NBEAL1: variants seen among roughly 807,000 people sequenced by gnomAD.
The protein encoded by NBEAL1 is neurobeachin like 1.
Under a neutral mutation model 351.3 loss-of-function variants are expected in NBEAL1, and 273 were observed. The ratio of observed to expected loss-of-function variants is 0.78; its 90% CI spans 0.70 to 0.86. NBEAL1 has a LOEUF of 0.86. NBEAL1 is among the 40% of genes least tolerant of loss of function. The probability of loss-of-function intolerance (pLI) is 0.00; values close to 1 mark genes in which losing one functional copy is unlikely to be tolerated. For missense variants in NBEAL1, 2,961 were observed against 3,201.3 expected (o/e 0.92, Z 1.81); for synonymous variants, 1,050 against 1,086.4 (o/e 0.97, Z 0.66).
chr2:203,171,822 C>T (rs1474411157), intron 39 of NBEAL1, 106 bp from the exon 40 acceptor site: 7 of 381,888 alleles, frequency 1.8e-5, no homozygotes, highest in Admixed American at 1.3e-4. Context: ...CCTGTTGTAC[C>T]TTTTTTTTTT....
intron 40 of NBEAL1, 85 bp from the exon 41 acceptor site, chr2:203,172,644 C>G (rs911385920): frequency 3.0e-5 from 36 of 1,214,098 alleles, no homozygotes; most frequent in Non-Finnish European, 3.8e-5. Context: ...CCCTTTTTGT[C>G]TTTAGATAAC....
In NBEAL1 at chr2:203,166,259, A is replaced by ACATTTAC; in HGVS notation, c.5826_5832dup (p.Phe1945HisfsTer5). 2 of 1,611,084 alleles carry ACATTTAC rather than the reference A, an allele frequency of 1.2e-6. No homozygotes were observed. The highest frequency in any genetic ancestry group is 1.7e-6 in the Non-Finnish European group (2 of 1,179,230). On this transcript the variant is annotated frameshift_variant, in exon 37 of 56. Transcript: ENST00000683969. LOFTEE classifies it high-confidence loss of function. The stretch of plus-strand genomic sequence containing the variant: ...GGCAGATTAGAAATCACTACTCAAC[A>ACATTTAC]CATTTACTTCTATGATGGCAGCATT...
chr2:203,028,337 T>C (rs1258886537), intron 2 of NBEAL1, among the ~76,000 whole-genome samples: 2 of 152,044 alleles, frequency 1.3e-5, no homozygotes, highest in Non-Finnish European at 1.5e-5. Context: ...ATTGGATTTA[T>C]GTTCTAAGAA....
chr2:203,099,826 C>T, intron 12 of NBEAL1, 114 bp downstream of exon 12: 1 of 681,428 alleles, frequency 1.5e-6, no homozygotes, highest in South Asian at 2.1e-5. Context: ...ATTTGGTGTA[C>T]AGATTATTTT....
intron 37 of NBEAL1, 108 bp from the exon 38 acceptor site, chr2:203,167,119 T>C: frequency 9.8e-7 from 1 of 1,024,356 alleles, no homozygotes; most frequent in Non-Finnish European, 1.4e-6. Context: ...AGTACAGAAA[T>C]TGAATTCCTT....
At chr2:203,123,451 G>A (rs1343965539) in intron 19 of NBEAL1, among the ~76,000 whole-genome samples, 2 of 151,072 alleles carry the variant, frequency 1.3e-5, no homozygotes, top group Middle Eastern at 3.2e-3. Context: ...TCCTGCCTCA[G>A]CCTTCCAAGT....
In NBEAL1 at chr2:203,209,322, G is replaced by A; in HGVS notation, c.7785G>A (p.Lys2595=). ...YSSTEEKTTL[K]DKNALHLFSI... ...GCACTGAAGAAAAGACCACCCTCAA[G>A]GTATATGACCTTTCATGCAATAGAG... Residue 2595 remains lysine (K), a splice_region_variant and synonymous_variant, in exon 53 of 56, where the codon AAG becomes AAA. Transcript: ENST00000683969. 1 of 1,611,848 alleles carries A rather than the reference G, an allele frequency of 6.2e-7. No individual in the cohort carries two copies. The highest frequency in any genetic ancestry group is 8.5e-7 in the Non-Finnish European group (1 of 1,178,332).
chr2:203,151,197 G>A (rs893648331), intron 34 of NBEAL1, among the ~76,000 whole-genome samples: 17 of 152,088 alleles, frequency 1.1e-4, no homozygotes, highest in Non-Finnish European at 1.6e-4. Context: ...TGGGCGTAGG[G>A]GCACATGCCT....
chr2:203,157,059 C>T (rs2063815415), intron 35 of NBEAL1, among the ~76,000 whole-genome samples: 1 of 152,090 alleles, frequency 6.6e-6, no homozygotes, highest in Admixed American at 6.6e-5. Context: ...AACATAAATT[C>T]AGAAGGGTCA....
intron 12 of NBEAL1, among the ~76,000 whole-genome samples, chr2:203,103,496 T>C (rs952784152): frequency 1.3e-5 from 2 of 152,202 alleles, no homozygotes; most frequent in Non-Finnish European, 2.9e-5. Flanking sequence ...GGTCTTGAAC[T>C]CCTGATCTCA....
chr2:203,041,845 G>T lies in NBEAL1; in HGVS notation c.132G>T (p.Lys44Asn). 1 of 1,552,424 alleles carries T rather than the reference G, an allele frequency of 6.4e-7. No individual in the cohort carries two copies. Among genetic ancestry groups the T allele is most frequent in the Non-Finnish European group, 8.7e-7 (1 of 1,146,752 alleles). The change falls in exon 3 of 56, where the codon AAG (lysine) becomes AAT (asparagine). Residue 44 changes from lysine to asparagine, a missense_variant. By Grantham distance (94) the Lys-to-Asn change is moderately conservative (BLOSUM62 0). Coordinates refer to ENST00000683969, the MANE Select transcript of NBEAL1 (RefSeq NM_001378026.1). ...AATTTTTAGACGTTGACTTTGAAAA[G>T]CTGCCTACCAGGTATGTAGAAACGC... Reference protein sequence around the residue: ...YEQFLDVDFEKLPTRVDDMPP... With the variant: ...YEQFLDVDFENLPTRVDDMPP...
Position 203,138,627 on chromosome 2 carries a change from A to T in NBEAL1, c.4727A>T (p.Glu1576Val), listed in dbSNP as rs2063283143. The T allele has an allele frequency of 1.3e-6, 2 of 1,590,146 alleles. No homozygotes were observed. The highest frequency in any genetic ancestry group is 2.7e-5 in the African/African-American group (2 of 73,446). ...TTTTTTCCTTTGTGATAGCTTTTAG[A>T]GGATATGATGCTGCTCTTTGACTGT... ...NSNMWTEKLLEDMMLLFDCLS... is the reference protein window; with the variant it reads ...NSNMWTEKLLVDMMLLFDCLS... Residue 1576 changes from glutamate (E) to valine (V), a missense_variant, in exon 31 of 56, where the codon GAG (glutamate) becomes GTG (valine). Physicochemically the swap from Glu to Val is moderately radical, Grantham distance 121. Transcript: ENST00000683969.
intron 53 of NBEAL1, among the ~76,000 whole-genome samples, chr2:203,209,618 C>T (rs1295526085): frequency 6.6e-6 from 1 of 151,928 alleles, no homozygotes; most frequent in African/African-American, 2.4e-5. Context: ...TGATAGCCAA[C>T]TGAAATTCCT....
chr2:203,016,586 T>G (rs1246994434), intron 2 of NBEAL1, among the ~76,000 whole-genome samples, 151 bp downstream of exon 2: 1 of 152,158 alleles, frequency 6.6e-6, no homozygotes, highest in Non-Finnish European at 1.5e-5. Context: ...TTTTCTGTTT[T>G]CCTCTTTTTC....
chr2:203,117,382 G>A (rs1438674973), intron 18 of NBEAL1, among the ~76,000 whole-genome samples: 7 of 151,952 alleles, frequency 4.6e-5, no homozygotes, highest in African/African-American at 1.7e-4. Flanking sequence ...AGAATGGCAC[G>A]AACTGGGGAG....
At chr2:203,060,333 A>ATTTCCTTTT (rs2061478225) in intron 6 of NBEAL1, among the ~76,000 whole-genome samples, 1 of 152,164 alleles carries the variant, frequency 6.6e-6, no homozygotes, top group Non-Finnish European at 1.5e-5. Context: ...GGAAAATATA[A>ATTTCCTTTT]TAAAGATTAT....
intron 18 of NBEAL1, among the ~76,000 whole-genome samples, chr2:203,119,220 T>C (rs951468588): frequency 1.3e-5 from 2 of 151,550 alleles, no homozygotes; most frequent in Non-Finnish European, 2.9e-5. Flanking sequence ...TAGGTGGCCG[T>C]GCAGTGGTGC....
Position 203,144,675 on chromosome 2 carries a change from T to G in NBEAL1, c.4924T>G (p.Tyr1642Asp), listed in dbSNP as rs2063463904. ...GATTGAAAATCAGGATGAAGCATGT[T>G]ACATTTTAGGGAAGCTGGAACATGT... ...KVIENQDEAC[Y>D]ILGKLEHVLS... is the part of the protein sequence containing the mutation. The change falls in exon 32 of 56, where the codon TAC becomes GAC. Residue 1642 changes from tyrosine to aspartate, a missense_variant. Coordinates refer to ENST00000683969, the MANE Select transcript of NBEAL1 (RefSeq NM_001378026.1). 6.2e-7 allele frequency: 1 copy of G among 1,614,040 alleles called. No homozygotes were observed. Among genetic ancestry groups the G allele is most frequent in the Admixed American group, 1.7e-5 (1 of 60,002 alleles).
At chr2:203,149,290 C>T in intron 34 of NBEAL1, 142 bp downstream of exon 34, 2 of 584,364 alleles carry the variant, frequency 3.4e-6, no homozygotes, top group Non-Finnish European at 5.8e-6. Flanking sequence ...TATTGTCTTT[C>T]CATGAATTAT....
Sources: allele counts gnomAD v4.1 joint callset (sites outside exome capture counted in the v4.1 genomes callset), GRCh38; gene constraint gnomAD v4.1.1; transcripts MANE v1.5; gene names NCBI Gene and HGNC (gene_info 2026-07-23, HGNC 2026-07-21).